The following EGFLAM variants were observed in gnomAD, a reference collection of about 807,000 sequenced individuals.
The protein encoded by EGFLAM is EGF like, fibronectin type III and laminin G domains.
In EGFLAM, 79 loss-of-function variants were observed where a neutral mutation model predicts 113.1. That is an observed-to-expected ratio of 0.70 (90% CI 0.58 to 0.84). The LOEUF is 0.84. Ranked by LOEUF, EGFLAM falls within the 40% of genes least tolerant of loss-of-function variation. The pLI is 0.00. For synonymous variants in EGFLAM, 504 were observed against 487.6 expected, an observed-to-expected ratio of 1.03 and a Z score of -0.44; for missense variants, 1,265 against 1,291.6, an observed-to-expected ratio of 0.98 and a Z score of 0.32.
intron 1 of EGFLAM, among the ~76,000 whole-genome samples, chr5:38,318,658 C>A (rs1738663309): frequency 6.6e-6 from 1 of 152,034 alleles, no homozygotes; most frequent in Non-Finnish European, 1.5e-5. Context: ...CAGGCACCCA[C>A]CATGCCTGGC....
intron 17 of EGFLAM, among the ~76,000 whole-genome samples, chr5:38,439,351 T>A (rs1742458812): frequency 6.6e-6 from 1 of 151,968 alleles, no homozygotes; most frequent in Admixed American, 6.6e-5. Flanking sequence ...GCCTTCATTT[T>A]TCAGTTTCAG....
At chr5:38,435,377 A>T (rs2112218595) in intron 16 of EGFLAM, 124 bp downstream of exon 16, 2 of 758,542 alleles carry the variant, frequency 2.6e-6, no homozygotes, top group Non-Finnish European at 4.3e-6. Context: ...TAACATTTTT[A>T]AAAATTTCTA....
chr5:38,338,634 TACA>T (rs1739254424), intron 2 of EGFLAM, 61 bp from the exon 3 acceptor site: 1 of 1,513,034 alleles, frequency 6.6e-7, no homozygotes, highest in African/African-American at 1.4e-5. Flanking sequence ...TGAGTGCAAT[TACA>T]ACCTTTGATC....
intron 5 of EGFLAM, among the ~76,000 whole-genome samples, chr5:38,352,600 T>C (rs1739658662): frequency 1.3e-5 from 2 of 148,590 alleles, no homozygotes; most frequent in African/African-American, 5.0e-5. Flanking sequence ...TGAGCCGAGA[T>C]CATGCCATTG....
chr5:38,398,347 A>G (rs762745935), intron 6 of EGFLAM, among the ~76,000 whole-genome samples: 1 of 151,382 alleles, frequency 6.6e-6, no homozygotes, highest in African/African-American at 2.5e-5. Context: ...ACCAAAATAG[A>G]TAGTGTTGAT....
chr5:38,439,419 A>C (rs1296499102), intron 17 of EGFLAM, among the ~76,000 whole-genome samples: 1 of 152,070 alleles, frequency 6.6e-6, no homozygotes, highest in Non-Finnish European at 1.5e-5. Flanking sequence ...GGAAGAAATA[A>C]AGCAATGAGC....
chr5:38,301,343 A>G (rs1391637627), intron 1 of EGFLAM, among the ~76,000 whole-genome samples: 2 of 152,180 alleles, frequency 1.3e-5, no homozygotes, highest in African/African-American at 2.4e-5. Context: ...TGAGAGGTCA[A>G]GTACGGTGAG....
chr5:38,331,780 T>A (rs1739049133), intron 1 of EGFLAM, among the ~76,000 whole-genome samples: 1 of 152,204 alleles, frequency 6.6e-6, no homozygotes, highest in Non-Finnish European at 1.5e-5. Flanking sequence ...TAGCACTGAA[T>A]AATACTCTGT....
intron 3 of EGFLAM, among the ~76,000 whole-genome samples, chr5:38,340,354 G>T (rs1221723830): frequency 6.6e-6 from 1 of 152,124 alleles, no homozygotes; most frequent in East Asian, 1.9e-4. Flanking sequence ...CCATGTGGAT[G>T]GTAGTTATCA....
chr5:38,264,933 T>TG (rs1757596406), intron 1 of EGFLAM, among the ~76,000 whole-genome samples: 1 of 152,200 alleles, frequency 6.6e-6, no homozygotes, highest in African/African-American at 2.4e-5. Flanking sequence ...CCCCTCCTAT[T>TG]GGTTTCAACA....
chr5:38,321,058 A>G (rs1294839802), intron 1 of EGFLAM, among the ~76,000 whole-genome samples: 2 of 152,124 alleles, frequency 1.3e-5, no homozygotes, highest in Non-Finnish European at 2.9e-5. Context: ...CTTTATTTCT[A>G]TTATTATTAC....
Position 38,434,937 on chromosome 5 carries a change from C to T in EGFLAM, c.2167-200C>T, listed in dbSNP as rs570430915. Among the ~76,000 whole-genome samples the T allele has an allele frequency of 4.6e-5, 7 of 152,302 alleles. No individual in the cohort carries two copies. The South Asian group carries it at 6.2e-4, about 14-fold the overall frequency. On this transcript the variant is annotated intron_variant, in intron 15 of 21. Transcript: ENST00000322350. ...AAATGAAGTCTCAGAGACTTTAAGA[C>T]GTTCACCAACATTCAGGCAGGTGGT...
At chr5:38,459,886 C>T (rs1743217616) in intron 20 of EGFLAM, among the ~76,000 whole-genome samples, 1 of 152,202 alleles carries the variant, frequency 6.6e-6, no homozygotes. Flanking sequence ...CTAGAAAGCC[C>T]TTGAGACAGA....
chr5:38,323,235 C>T (rs1312789951), intron 1 of EGFLAM, among the ~76,000 whole-genome samples: 2 of 152,116 alleles, frequency 1.3e-5, no homozygotes, highest in East Asian at 1.9e-4. Context: ...AATTGGATTA[C>T]AAAACTAATT....
chr5:38,341,487 A>T (rs974030530), intron 3 of EGFLAM, among the ~76,000 whole-genome samples: 14 of 152,216 alleles, frequency 9.2e-5, no homozygotes, highest in African/African-American at 3.4e-4. Context: ...CCCTTGACAC[A>T]TGGGGATTAT....
chr5:38,409,184 A>G (rs140414312), intron 10 of EGFLAM, 80 bp downstream of exon 10: 11 of 1,090,510 alleles, frequency 1.0e-5, no homozygotes, highest in Middle Eastern at 2.1e-4. Flanking sequence ...GTATGAAAAA[A>G]TATATACAGG....
At chr5:38,461,679 C>T (rs900700800) in intron 20 of EGFLAM, among the ~76,000 whole-genome samples, 2 of 152,074 alleles carry the variant, frequency 1.3e-5, no homozygotes, top group Non-Finnish European at 2.9e-5. Context: ...AGAAGAGTTG[C>T]TATCAAGAAG....
chr5:38,396,672 C>A (rs963302927), intron 6 of EGFLAM, among the ~76,000 whole-genome samples: 51 of 152,220 alleles, frequency 3.4e-4, no homozygotes, highest in African/African-American at 1.2e-3. Context: ...ACCTCCAGTC[C>A]TGAAGTATTG....
intron 20 of EGFLAM, among the ~76,000 whole-genome samples, chr5:38,459,210 G>GC (rs1204154304): frequency 2.0e-5 from 3 of 151,898 alleles, no homozygotes; most frequent in African/African-American, 7.3e-5. Context: ...TTGCTATGTT[G>GC]CCAGGGCTGG....
Sources: allele counts gnomAD v4.1 joint callset (sites outside exome capture counted in the v4.1 genomes callset), GRCh38; gene constraint gnomAD v4.1.1; transcripts MANE v1.5; gene names NCBI Gene and HGNC (gene_info 2026-07-23, HGNC 2026-07-21).